Variants in PAAF1 observed in about 807,000 individuals in gnomAD.
PAAF1 encodes the protein proteasomal ATPase associated factor 1, also known as proteasomal ATPase-associated factor 1.
In PAAF1, 46 loss-of-function variants were observed where a neutral mutation model predicts 52.8. The ratio of observed to expected loss-of-function variants is 0.87; its 90% CI spans 0.69 to 1.11. The LOEUF is 1.11. PAAF1 is among the 50% of genes most tolerant of loss of function. The pLI, the probability that PAAF1 is intolerant of heterozygous loss-of-function variation, is 0.00. For synonymous variants in PAAF1, 178 were observed against 172.8 expected, an observed-to-expected ratio of 1.03 and a Z score of -0.24; for missense variants, 424 against 477.4, an observed-to-expected ratio of 0.89 and a Z score of 1.04.
At chr11:73,920,326 G>C (rs1950179880) in intron 10 of PAAF1, among the ~76,000 whole-genome samples, 1 of 152,052 alleles carries the variant, frequency 6.6e-6, no homozygotes, top group Non-Finnish European at 1.5e-5. Context: ...TTGAGCCCAG[G>C]AGTTTGAGGT....
chr11:73,902,789 T>G (rs1473939457), intron 6 of PAAF1, among the ~76,000 whole-genome samples: 1 of 152,150 alleles, frequency 6.6e-6, no homozygotes, highest in East Asian at 1.9e-4. Context: ...CTCTGCCTCC[T>G]TGGTTCAAGC....
intron 4 of PAAF1, among the ~76,000 whole-genome samples, chr11:73,896,886 G>A (rs1949387939): frequency 6.6e-6 from 1 of 151,358 alleles, no homozygotes; most frequent in South Asian, 2.1e-4. Flanking sequence ...AGGCAGAGGC[G>A]CCCCTCACCT....
At chr11:73,908,201 C>T (rs2135195388) in intron 6 of PAAF1, among the ~76,000 whole-genome samples, 1 of 149,786 alleles carries the variant, frequency 6.7e-6, no homozygotes, top group Non-Finnish European at 1.5e-5. Flanking sequence ...AAAGCAGCAG[C>T]AGCATATATG....
At chr11:73,910,893 G>A (rs1591106959) in intron 7 of PAAF1, among the ~76,000 whole-genome samples, 2 of 151,264 alleles carry the variant, frequency 1.3e-5, no homozygotes, top group Admixed American at 1.3e-4. Flanking sequence ...GGGAGGCTAA[G>A]GCAGGAGAAT....
intron 4 of PAAF1, among the ~76,000 whole-genome samples, chr11:73,895,004 T>C (rs892431747): frequency 6.6e-6 from 1 of 152,210 alleles, no homozygotes; most frequent in African/African-American, 2.4e-5. Flanking sequence ...ATAACTGTGC[T>C]CCTTTTCTAT....
chr11:73,916,736 C>G, intron 9 of PAAF1, 76 bp downstream of exon 9: 2 of 959,878 alleles, frequency 2.1e-6, no homozygotes, highest in Non-Finnish European at 3.2e-6. Context: ...ATTGATTTAG[C>G]CTAGCATATA....
intron 6 of PAAF1, among the ~76,000 whole-genome samples, chr11:73,903,689 C>A (rs1241945961): frequency 6.6e-6 from 1 of 150,450 alleles, no homozygotes; most frequent in East Asian, 1.9e-4. Flanking sequence ...TGCACTCCAG[C>A]CTGGCCAACA....
chr11:73,907,651 C>T (rs990228489), intron 6 of PAAF1, among the ~76,000 whole-genome samples: 1 of 152,184 alleles, frequency 6.6e-6, no homozygotes, highest in African/African-American at 2.4e-5. Context: ...ACCTGGTCAA[C>T]CCCACTGGGT....
At chr11:73,926,636 G>C (rs892166186) in intron 11 of PAAF1, among the ~76,000 whole-genome samples, 1 of 152,166 alleles carries the variant, frequency 6.6e-6, no homozygotes, top group Non-Finnish European at 1.5e-5. Context: ...GTGAACCCGG[G>C]AGGCGGAGCT....
rs1950411491 is a variant in PAAF1 at position 73,928,458 on chromosome 11, A to C, written c.*1096A>C. On this transcript the variant is annotated 3_prime_UTR_variant, in exon 12 of 12. Transcript: ENST00000310571. ...TGGTCACCTCCTTTTTTCTCTAAACATAAAAATGGAATCATAATGTATGTA... is the reference window on the plus strand; with the variant it reads ...TGGTCACCTCCTTTTTTCTCTAAACCTAAAAATGGAATCATAATGTATGTA... 6.6e-6 allele frequency: 1 copy of C among 152,236 alleles called. No individual in the cohort carries two copies. Among genetic ancestry groups the C allele is most frequent in the Non-Finnish European group, 1.5e-5 (1 of 68,038 alleles). The allele number at this position is 152,236 out of a possible 1,614,324, so 9.4% of individuals were successfully genotyped here. A position where few individuals can be genotyped will look rare whatever the true frequency, so the allele number is the denominator to read the frequency against.
intron 2 of PAAF1, among the ~76,000 whole-genome samples, chr11:73,882,249 C>T (rs1948931258): frequency 1.3e-5 from 2 of 148,652 alleles, no homozygotes; most frequent in Admixed American, 6.7e-5. Context: ...CTCCTGACCT[C>T]GTGATCCGCT....
chr11:73,922,885 TAGTG>T (rs1209444909), intron 10 of PAAF1, among the ~76,000 whole-genome samples: 3 of 151,666 alleles, frequency 2.0e-5, no homozygotes, highest in African/African-American at 7.3e-5. Flanking sequence ...CTTTGATTAT[TAGTG>T]AGGAGATTTA....
At chr11:73,879,424 TATATC>T (rs1342629083) in intron 2 of PAAF1, 1 of 152,244 alleles carries the variant, frequency 6.6e-6, no homozygotes, top group Non-Finnish European at 1.5e-5. Flanking sequence ...ACAACAGTCT[TATATC>T]ATTCACAGGA....
At chr11:73,877,394 C>T (rs1948772378) in intron 1 of PAAF1, 2 of 217,012 alleles carry the variant, frequency 9.2e-6, no homozygotes, top group South Asian at 1.3e-4. Flanking sequence ...TCGTCAGTTA[C>T]TTCCAGAAGT....
At chr11:73,924,982 G>T (rs1344096428) in intron 11 of PAAF1, among the ~76,000 whole-genome samples, 1 of 151,650 alleles carries the variant, frequency 6.6e-6, no homozygotes, top group Non-Finnish European at 1.5e-5. Flanking sequence ...GTGAAACCCC[G>T]TCTCTACTAA....
At chr11:73,896,982 A>ACC (rs551564699) in intron 4 of PAAF1, among the ~76,000 whole-genome samples, 3 of 114,210 alleles carry the variant, frequency 2.6e-5, no homozygotes, top group Non-Finnish European at 5.5e-5. Context: ...GGGGGGGCTG[A>ACC]CCCCCCCACC....
At chr11:73,900,981 C>CAAAAAAAAAAAAAAAAAAAA (rs5792636) in intron 6 of PAAF1, among the ~76,000 whole-genome samples, 1 of 59,536 alleles carries the variant, frequency 1.7e-5, no homozygotes, top group East Asian at 5.7e-4. Context: ...GACTCCGTCT[C>CAAAAAAAAAAAAAAAAAAAA]AAAAAAAAAA....
intron 8 of PAAF1, 81 bp from the exon 9 acceptor site, chr11:73,916,464 A>T: frequency 1.2e-6 from 1 of 842,998 alleles, no homozygotes. Flanking sequence ...ATATAGTGAA[A>T]TTTTTCCTTT....
intron 1 of PAAF1, chr11:73,877,328 A>C: frequency 2.9e-6 from 1 of 342,836 alleles, no homozygotes; most frequent in East Asian, 4.5e-5. Context: ...AAAGACAGGG[A>C]TACTGGGAGG....
Sources: allele counts gnomAD v4.1 joint callset (sites outside exome capture counted in the v4.1 genomes callset), GRCh38; gene constraint gnomAD v4.1.1; transcripts MANE v1.5; gene names NCBI Gene and HGNC (gene_info 2026-07-23, HGNC 2026-07-21).